PATJ: variants seen among roughly 807,000 people sequenced by gnomAD.
PATJ encodes the protein PATJ crumbs cell polarity complex component.
In PATJ, 190 loss-of-function variants were observed where a neutral mutation model predicts 224.9. The ratio of observed to expected loss-of-function variants is 0.84; its 90% CI spans 0.75 to 0.95. The LOEUF is 0.95. PATJ is among the 40% of genes least tolerant of loss of function. The probability of loss-of-function intolerance (pLI) is 0.00; values close to 1 mark genes in which losing one functional copy is unlikely to be tolerated. For synonymous variants in PATJ, 769 were observed against 820.3 expected (o/e 0.94, Z 1.07); for missense variants, 2,121 against 2,270.3 (o/e 0.93, Z 1.34).
chr1:61,841,896 C>G (rs1265959631), intron 17 of PATJ, among the ~76,000 whole-genome samples: 1 of 152,176 alleles, frequency 6.6e-6, no homozygotes, highest in Non-Finnish European at 1.5e-5. Context: ...TTTCTTTTCA[C>G]AGAGGATTTG....
At chr1:61,796,831 T>A (rs1651416765) in intron 10 of PATJ, among the ~76,000 whole-genome samples, 1 of 144,878 alleles carries the variant, frequency 6.9e-6, no homozygotes, top group Non-Finnish European at 1.5e-5. Flanking sequence ...CTTCCTTCCC[T>A]CCCTCCCTCC....
intron 27 of PATJ, among the ~76,000 whole-genome samples, chr1:61,975,314 G>C (rs1471948448): frequency 6.6e-6 from 1 of 151,976 alleles, no homozygotes; most frequent in Non-Finnish European, 1.5e-5. Context: ...TTTGTCTCCT[G>C]TTATGTGATT....
At chr1:62,073,413 A>G (rs1657769804) in intron 31 of PATJ, 1 of 665,678 alleles carries the variant, frequency 1.5e-6, no homozygotes, top group Non-Finnish European at 1.9e-6. Flanking sequence ...GCTTGAGGTC[A>G]GGAGTTCCAG....
intron 17 of PATJ, among the ~76,000 whole-genome samples, chr1:61,841,108 T>C (rs1661013045): frequency 6.6e-6 from 1 of 152,172 alleles, no homozygotes; most frequent in South Asian, 2.1e-4. Flanking sequence ...AAAGTGTTTA[T>C]ATTCAGACTA....
intron 1 of PATJ, among the ~76,000 whole-genome samples, chr1:61,759,087 T>C (rs1030430779): frequency 6.6e-6 from 1 of 152,228 alleles, no homozygotes; most frequent in Non-Finnish European, 1.5e-5. Flanking sequence ...TTTATCATGT[T>C]TGCTAGGAAG....
chr1:62,036,192 T>C (rs1650348608), intron 29 of PATJ, among the ~76,000 whole-genome samples: 1 of 152,226 alleles, frequency 6.6e-6, no homozygotes, highest in Admixed American at 6.5e-5. Context: ...ATAATAACTT[T>C]GCTGGGTGGA....
At chr1:61,798,853 C>T (rs1350217235) in intron 11 of PATJ, among the ~76,000 whole-genome samples, 8 of 151,726 alleles carry the variant, frequency 5.3e-5, no homozygotes, top group Non-Finnish European at 5.9e-5. Context: ...CACTGCCTGC[C>T]GGCCTGCGTG....
intron 29 of PATJ, among the ~76,000 whole-genome samples, chr1:62,036,786 C>T (rs577187060): frequency 6.4e-5 from 9 of 140,882 alleles, no homozygotes; most frequent in Non-Finnish European, 3.0e-5. Context: ...GCAGGAAAAT[C>T]GATTGAACCC....
chr1:62,110,350 G>T lies in PATJ; in HGVS notation c.4461+1830G>T, dbSNP rs76185595. On this transcript the variant is annotated intron_variant, in intron 34 of 43. Transcript: ENST00000642238. ...CAGCCTGTGACCCACAGGAGGCCTT[G>T]AGAAGACAGGCCTGTTTTCGTGGGA... 3.0e-3 allele frequency among the ~76,000 whole-genome samples: 464 copies of T among 152,324 alleles called. 17 individuals carry two copies. In the East Asian group the frequency reaches 0.079, roughly 26 times the overall value.
chr1:61,860,606 C>T (rs912510883), intron 18 of PATJ, among the ~76,000 whole-genome samples: 4 of 151,938 alleles, frequency 2.6e-5, no homozygotes, highest in Non-Finnish European at 5.9e-5. Flanking sequence ...GGCAGATCAC[C>T]TGGGAGGTCA....
intron 42 of PATJ, among the ~76,000 whole-genome samples, chr1:62,152,368 C>T (rs1406928617): frequency 1.3e-5 from 2 of 152,092 alleles, no homozygotes; most frequent in Non-Finnish European, 2.9e-5. Context: ...AGAAAAGGAG[C>T]AGCAGTCTGA....
chr1:61,754,931 C>A (rs1026736086), intron 1 of PATJ, among the ~76,000 whole-genome samples: 4 of 151,932 alleles, frequency 2.6e-5, no homozygotes, highest in Non-Finnish European at 4.4e-5. Context: ...GACGGCCAAC[C>A]AATTTCTACC....
chr1:61,774,820 TATA>T (rs1266449887), intron 6 of PATJ, among the ~76,000 whole-genome samples: 1 of 152,190 alleles, frequency 6.6e-6, no homozygotes, highest in Non-Finnish European at 1.5e-5. Flanking sequence ...AAAAAATCTT[TATA>T]ATATTTTGTG....
chr1:61,886,102 C>T (rs1188049661), intron 22 of PATJ, among the ~76,000 whole-genome samples: 2 of 151,566 alleles, frequency 1.3e-5, no homozygotes, highest in African/African-American at 4.9e-5. Context: ...GGGTGCAGCA[C>T]ACCAGCATGG....
In PATJ at chr1:62,051,046, A is replaced by C. The variant is rs1355721206; in HGVS notation, c.4113A>C (p.Glu1371Asp). ...EVGIKQLPES[E>D]SFKLAVSQMK... is the part of the protein sequence containing the mutation. ...GTATTAAACAATTGCCTGAAAGTGA[A>C]AGCTTCAAACTGGTGAGAATCTTGA... The change falls in exon 31 of 44, where the codon GAA (glutamate) becomes GAC (aspartate). Residue 1371 changes from glutamate (E) to aspartate (D), a missense_variant. Glu to Asp is a conservative substitution (Grantham distance 45). Coordinates refer to ENST00000642238, the MANE Select transcript of PATJ (RefSeq NM_001350145.3). 2 of 1,611,756 alleles carry C rather than the reference A, an allele frequency of 1.2e-6. No homozygotes were observed. The highest frequency in any genetic ancestry group is 1.7e-6 in the Non-Finnish European group (2 of 1,177,902).
At chr1:61,816,335 G>T (rs1656100939) in intron 14 of PATJ, 1 of 151,944 alleles carries the variant, frequency 6.6e-6, no homozygotes, top group Non-Finnish European at 1.5e-5. Context: ...TTTTAATATG[G>T]GAAACTTGAC....
chr1:62,043,791 G>A (rs1417432208), intron 30 of PATJ, among the ~76,000 whole-genome samples: 1 of 152,034 alleles, frequency 6.6e-6, no homozygotes. Context: ...GCAGTGGCAT[G>A]ATCTCAGCTC....
At chr1:61,916,124 T>C (rs1196769294) in intron 26 of PATJ, among the ~76,000 whole-genome samples, 1 of 152,212 alleles carries the variant, frequency 6.6e-6, no homozygotes, top group East Asian at 1.9e-4. Flanking sequence ...TTGACTTTTA[T>C]ATATTTATTT....
At chr1:61,922,194 C>A (rs1181812498) in intron 26 of PATJ, among the ~76,000 whole-genome samples, 1 of 152,008 alleles carries the variant, frequency 6.6e-6, no homozygotes, top group Non-Finnish European at 1.5e-5. Flanking sequence ...AGGTGCACAC[C>A]ACCACACCTG....
Sources: gnomAD v4.1 joint callset for allele counts (sites outside exome capture counted in the v4.1 genomes callset) on GRCh38, gnomAD v4.1.1 for gene constraint, MANE v1.5 for transcripts, NCBI Gene and HGNC (gene_info 2026-07-23, HGNC 2026-07-21) for gene names.